TRNT1: variants seen among roughly 807,000 people sequenced by gnomAD.
TRNT1 encodes tRNA nucleotidyl transferase 1.
TRNT1 carries 44 observed loss-of-function variants against 45.6 expected under a neutral mutation model. That is an observed-to-expected ratio of 0.97 (90% CI 0.76 to 1.24). The LOEUF (loss-of-function observed/expected upper bound fraction) is 1.24. Ranked by LOEUF, TRNT1 falls within the 50% of genes most tolerant of loss-of-function variation. The pLI is 0.00. For missense variants in TRNT1, 633 were observed against 504.4 expected, an observed-to-expected ratio of 1.25 and a Z score of -2.44; for synonymous variants, 201 against 171.4, an observed-to-expected ratio of 1.17 and a Z score of -1.35.
intron 3 of TRNT1, among the ~76,000 whole-genome samples, chr3:3,140,293 G>GAT (rs200545977): frequency 3.5e-5 from 2 of 56,374 alleles, no homozygotes; most frequent in Non-Finnish European, 1.1e-4. Flanking sequence ...AATCATGATG[G>GAT]ATTTTTTTTA....
downstream of TRNT1, chr3:3,152,707 T>C (rs778386795): frequency 3.5e-4 from 422 of 1,200,566 alleles, no homozygotes; most frequent in Non-Finnish European, 4.8e-4. Flanking sequence ...TTTTTAATCC[T>C]TCAGTTTTAT....
intron 2 of TRNT1, chr3:3,130,661 A>G (rs914834007): frequency 5.3e-5 from 8 of 152,250 alleles, no homozygotes; most frequent in Non-Finnish European, 8.8e-5. Flanking sequence ...AGAAATGGTG[A>G]AATAAATTTT....
At chr3:3,152,358 A>G, downstream of TRNT1, 1 of 1,294,634 alleles carries the variant, frequency 7.7e-7, no homozygotes, top group South Asian at 1.3e-5. Flanking sequence ...TCTACTTTTT[A>G]TTATAAAGAT....
chr3:3,134,015 TA>T (rs1403584143), intron 2 of TRNT1, among the ~76,000 whole-genome samples: 1 of 152,212 alleles, frequency 6.6e-6, no homozygotes, highest in Non-Finnish European at 1.5e-5. Context: ...TTGCTAATAA[TA>T]ATTAACAATT....
chr3:3,128,619 A>AAG (rs1198669280), intron 1 of TRNT1, among the ~76,000 whole-genome samples: 1 of 146,172 alleles, frequency 6.8e-6, no homozygotes, highest in Non-Finnish European at 1.5e-5. Flanking sequence ...AAAAAAAAAA[A>AAG]AAGAATTCCT....
chr3:3,149,589 T>TTAGTGCAGTGTAAGAACTATAGGAA, downstream of TRNT1: 1 of 150,352 alleles, frequency 6.7e-6, no homozygotes. Flanking sequence ...TAAGTAAGTT[T>TTAGTGCAGTGTAAGAACTATAGGAA]TAGTGCAGTG....
rs749039236 is a variant in TRNT1 at position 3,146,447 on chromosome 3, T to C, written c.626T>C (p.Val209Ala). The C allele has an allele frequency of 2.5e-6, 4 of 1,611,450 alleles. No individual in the cohort carries two copies. Among genetic ancestry groups the C allele is most frequent in the Non-Finnish European group, 2.5e-6 (3 of 1,179,244 alleles). Residue 209 changes from valine to alanine, a missense_variant, in exon 6 of 8, where the codon GTA (valine) becomes GCA (alanine). Val to Ala is a moderately conservative substitution (Grantham distance 64, BLOSUM62 0). Transcript: ENST00000251607. Reference protein sequence around the residue: ...LRYFRFYGRIVDKPGDHDPET... With the variant: ...LRYFRFYGRIADKPGDHDPET... Reference sequence around the variant, plus strand: ...TCTTGTAGGTTTTATGGGAGAATTGTAGACAAACCTGGTGACCATGATCCT... The same window carrying C: ...TCTTGTAGGTTTTATGGGAGAATTGCAGACAAACCTGGTGACCATGATCCT...
chr3:3,128,547 T>C (rs334775), intron 1 of TRNT1, among the ~76,000 whole-genome samples: 136,313 of 148,800 alleles, frequency 0.92, 63,550 homozygotes, highest in East Asian at 1. Context: ...TGCAGTGAGC[T>C]GAGATCGCGC....
In TRNT1 at chr3:3,148,348, A is replaced by G. The variant is rs1373277809; in HGVS notation, c.*194A>G. On this transcript the variant is annotated 3_prime_UTR_variant, in exon 8 of 8. Coordinates refer to ENST00000251607, the MANE Select transcript of TRNT1 (RefSeq NM_182916.3). The stretch of plus-strand genomic sequence containing the variant: ...ATCCACCTTTCTGGATCTGATTTAT[A>G]TCACTGAAATGTACAGTTCTTTTGG... 3.6e-6 allele frequency: 2 copies of G among 552,990 alleles called. No individual in the cohort carries two copies. Among genetic ancestry groups the G allele is most frequent in the Non-Finnish European group, 6.3e-6 (2 of 319,594 alleles). The allele number at this position is 552,990 out of a possible 1,614,324, so 34.3% of individuals were successfully genotyped here.
chr3:3,144,651 T>C lies in TRNT1; in HGVS notation c.549T>C (p.Phe183=). 1 of 1,582,590 alleles carries C rather than the reference T, an allele frequency of 6.3e-7. No individual in the cohort carries two copies. The highest frequency in any genetic ancestry group is 8.6e-7 in the Non-Finnish European group (1 of 1,156,276). ...ATTTAAAAAATAAGAAAGTTAGATT[T>C]GTTGGACATGCTAAACAGAGAATAC... ...YEDLKNKKVR[F]VGHAKQRIQE... The change falls in exon 5 of 8, where the codon TTT becomes TTC. Residue 183 remains phenylalanine (F), a synonymous_variant. Transcript: ENST00000251607.
At chr3:3,135,112 T>G (rs974452097) in intron 2 of TRNT1, among the ~76,000 whole-genome samples, 1 of 152,182 alleles carries the variant, frequency 6.6e-6, no homozygotes, top group African/African-American at 2.4e-5. Context: ...CATGTAGACA[T>G]ACAAATTTTG....
Position 3,129,189 on chromosome 3 carries a change from G to A in TRNT1, c.148+1G>A. 1 of 1,613,988 alleles carries A rather than the reference G, an allele frequency of 6.2e-7. No homozygotes were observed. Among genetic ancestry groups the A allele is most frequent in the Non-Finnish European group, 8.5e-7 (1 of 1,179,946 alleles). ...ACAGAAGGACTGAAGAGTCTGACAG[G>A]TGAGAGATTAGGATACCTTTTCTTG... On this transcript the variant is annotated splice_donor_variant, in intron 2 of 7. Transcript: ENST00000251607. LOFTEE classifies it high-confidence loss of function.
intron 2 of TRNT1, among the ~76,000 whole-genome samples, chr3:3,133,940 G>C (rs1219563107): frequency 2.0e-5 from 3 of 152,030 alleles, no homozygotes; most frequent in African/African-American, 7.2e-5. Flanking sequence ...TTAATTAAAA[G>C]TTAACATTAA....
chr3:3,137,220 A>G (rs779764495), intron 2 of TRNT1, 40 bp from the exon 3 acceptor site: 1 of 1,509,290 alleles, frequency 6.6e-7, no homozygotes. Flanking sequence ...CATTGAAATA[A>G]AGAACTTGGG....
At chr3:3,127,503 C>T (rs1284680167) in intron 1 of TRNT1, 2 of 152,290 alleles carry the variant, frequency 1.3e-5, no homozygotes, top group African/African-American at 4.8e-5. Context: ...GCAGGACCCC[C>T]GTATGGGGAG....
chr3:3,151,161 A>AGTT, downstream of TRNT1: 2 of 1,123,218 alleles, frequency 1.8e-6, no homozygotes, highest in Non-Finnish European at 1.3e-6. Context: ...AGAGATTCTA[A>AGTT]GTTGAGATTT....
chr3:3,147,547 C>G lies in TRNT1; in HGVS notation c.900C>G (p.Phe300Leu), dbSNP rs376431679. ...CAGTGACTCTTTTGGCCTCATTATT[C>G]AAAGTACAAGATGATGTCACAAAAT... ...PKPVTLLASL[F>L]KVQDDVTKLD... Residue 300 changes from phenylalanine to leucine, a missense_variant, in exon 7 of 8, where the codon TTC (phenylalanine) becomes TTG (leucine). Physicochemically the swap from Phe to Leu is conservative, Grantham distance 22 (BLOSUM62 0). Transcript: ENST00000251607. 2.5e-6 allele frequency: 4 copies of G among 1,613,840 alleles called. No homozygotes were observed. The highest frequency in any genetic ancestry group is 3.4e-6 in the Non-Finnish European group (4 of 1,179,866).
chr3:3,129,170 G>C lies in TRNT1; in HGVS notation c.130G>C (p.Gly44Arg), dbSNP rs775376689. The C allele has an allele frequency of 5.6e-6, 9 of 1,613,996 alleles. No individual in the cohort carries two copies. The highest frequency in any genetic ancestry group is 8.5e-7 in the Non-Finnish European group (1 of 1,180,014). Residue 44 changes from glycine (G) to arginine (R), a missense_variant, in exon 2 of 8, where the codon GGA (glycine) becomes CGA (arginine). By Grantham distance (125) the Gly-to-Arg change is moderately radical (BLOSUM62 -2). Coordinates refer to ENST00000251607, the MANE Select transcript of TRNT1 (RefSeq NM_182916.3). ...CGAATTCCAGTCACTTTTCACAGAA[G>C]GACTGAAGAGTCTGACAGGTGAGAG... Reference protein sequence around the residue: ...SPEFQSLFTEGLKSLTELFVK... With the variant: ...SPEFQSLFTERLKSLTELFVK...
chr3:3,130,009 G>C (rs1315316227), intron 2 of TRNT1: 2 of 1,519,904 alleles, frequency 1.3e-6, no homozygotes, highest in African/African-American at 1.5e-5. Flanking sequence ...AAGGAGCATA[G>C]GAAATGGCTT....
Sources: allele counts gnomAD v4.1 joint callset (sites outside exome capture counted in the v4.1 genomes callset), GRCh38; gene constraint gnomAD v4.1.1; transcripts MANE v1.5; gene names NCBI Gene and HGNC (gene_info 2026-07-23, HGNC 2026-07-21).